ODAD1: variants seen among roughly 807,000 people sequenced by gnomAD.
ODAD1 encodes outer dynein arm-docking complex subunit 1.
Under a neutral mutation model 67.2 loss-of-function variants are expected in ODAD1, and 49 were observed. That is an observed-to-expected ratio of 0.73 (90% confidence interval 0.58 to 0.92). ODAD1 has a LOEUF of 0.92. Among genes scored for constraint, ODAD1 ranks in the 40% least tolerant of loss-of-function variants. The pLI is 0.00. For missense variants in ODAD1, 897 were observed against 953.7 expected (o/e 0.94, Z 0.78); for synonymous variants, 345 against 393.7 (o/e 0.88, Z 1.46).
In ODAD1 at chr19:48,314,829, T is replaced by C. The variant is rs1288651940; in HGVS notation, c.361-2713A>G. On this transcript the variant is annotated intron_variant, in intron 5 of 15. Transcript: ENST00000674294. The stretch of plus-strand genomic sequence containing the variant: ...AATGGCACGTGACTGTAATCCCAGC[T>C]ACTCGGGTGGCTGAAGCACGAGAAT... 2.6e-5 allele frequency among the ~76,000 whole-genome samples: 4 copies of C among 152,028 alleles called. No individual in the cohort carries two copies. In the East Asian group the frequency reaches 5.9e-4, roughly 22 times the overall value.
intron 5 of ODAD1, among the ~76,000 whole-genome samples, chr19:48,313,246 T>C (rs1401206227): frequency 6.6e-6 from 1 of 151,826 alleles, no homozygotes; most frequent in Non-Finnish European, 1.5e-5. Flanking sequence ...CTGGCCAACA[T>C]GGCGAAACCC....
At chr19:48,299,335 C>T (rs1355563946) in intron 12 of ODAD1, among the ~76,000 whole-genome samples, 2 of 151,580 alleles carry the variant, frequency 1.3e-5, no homozygotes, top group African/African-American at 4.8e-5. Flanking sequence ...TGCTTGAACC[C>T]GGGAGATGGA....
Position 48,302,759 on chromosome 19 carries a change from G to C in ODAD1, c.1175C>G (p.Ser392Trp). 6.2e-7 allele frequency: 1 copy of C among 1,613,670 alleles called. No individual in the cohort carries two copies. The highest frequency in any genetic ancestry group is 8.5e-7 in the Non-Finnish European group (1 of 1,180,018). ...VLQQRMDKVHSEAERLEARFQ... is the reference protein window; with the variant it reads ...VLQQRMDKVHWEAERLEARFQ... The stretch of plus-strand genomic sequence containing the variant: ...GCGGGCCTCAAGGCGCTCAGCCTCC[G>C]AGTGCACCTTGTCCATGCGCTGCTG... The change falls in exon 12 of 16, where the codon TCG becomes TGG. Residue 392 changes from serine to tryptophan, a missense_variant. By Grantham distance (177) the Ser-to-Trp change is radical. Coordinates refer to ENST00000674294, the MANE Select transcript of ODAD1 (RefSeq NM_001364171.2).
chr19:48,313,426 C>CAA (rs568077350), intron 5 of ODAD1, among the ~76,000 whole-genome samples: 86 of 29,922 alleles, frequency 2.9e-3, no homozygotes, highest in Middle Eastern at 0.038. Context: ...GACTCCATCT[C>CAA]AAAAAAAAAA....
intron 8 of ODAD1, 59 bp from the exon 9 acceptor site, chr19:48,304,199 C>A: frequency 2.0e-6 from 3 of 1,518,316 alleles, no homozygotes; most frequent in African/African-American, 1.4e-5. Flanking sequence ...GGCCTGGGGT[C>A]CTGGGGATGG....
intron 12 of ODAD1, among the ~76,000 whole-genome samples, chr19:48,301,533 T>C (rs80252053): frequency 2.0e-5 from 3 of 152,224 alleles, no homozygotes; most frequent in Non-Finnish European, 4.4e-5. Flanking sequence ...AATAACATTT[T>C]TGGTAACTAA....
At position 48,311,602 on chromosome 19, in the gene ODAD1, A is replaced by C. The variant is rs554391472; in HGVS notation, c.548T>G (p.Leu183Arg). The stretch of plus-strand genomic sequence containing the variant: ...CAGATAGCGGTTCCTGTCGATCCGC[A>C]GCAGATCCAGCTCCTCCCGCAGGGC... ...NAALREELDL[L>R]RIDRNRYLNV... Residue 183 changes from leucine (L) to arginine (R), a missense_variant, in exon 7 of 16, where the codon CTG becomes CGG. Physicochemically the swap from Leu to Arg is moderately radical, Grantham distance 102. Coordinates refer to ENST00000674294, the MANE Select transcript of ODAD1 (RefSeq NM_001364171.2). The C allele has an allele frequency of 1.4e-4, 218 of 1,551,440 alleles. 2 individuals are homozygous for C. The highest frequency in any genetic ancestry group is 6.8e-4 in the South Asian group (57 of 84,054).
Position 48,318,721 on chromosome 19 carries a change from G to C in ODAD1, c.162C>G (p.Asn54Lys). ...AYSKEVHQRI[N>K]KQLEEIRRLE... The stretch of plus-strand genomic sequence containing the variant: ...CCAGGCGCCCAGCTCACAGTTGCTT[G>C]TTGATGCGCTGGTGGACTTCCTTGC... Residue 54 changes from asparagine to lysine, a missense_variant, in exon 4 of 16, where the codon AAC (asparagine) becomes AAG (lysine). Physicochemically the swap from Asn to Lys is moderately conservative, Grantham distance 94. Transcript: ENST00000674294. 6.5e-7 allele frequency: 1 copy of C among 1,549,898 alleles called. No homozygotes were observed. The highest frequency in any genetic ancestry group is 1.4e-5 in the African/African-American group (1 of 73,076).
chr19:48,305,056 C>T (rs1311729722), intron 8 of ODAD1, among the ~76,000 whole-genome samples: 3 of 152,166 alleles, frequency 2.0e-5, no homozygotes, highest in Non-Finnish European at 4.4e-5. Context: ...CACAGAGACC[C>T]TAAGGCCGAC....
At position 48,312,401 on chromosome 19, in the gene ODAD1, T is replaced by G. The variant is rs765789427; in HGVS notation, c.361-285A>C. Among the ~76,000 whole-genome samples the G allele has an allele frequency of 6.2e-4, 43 of 69,804 alleles. 1 individual carries two copies. Among genetic ancestry groups the G allele is most frequent in the African/African-American group, 3.2e-3 (38 of 11,972 alleles). 45.8% of individuals were successfully genotyped at this position (69,804 alleles called of 152,430 possible). A position where few individuals can be genotyped will look rare whatever the true frequency, so the allele number is the denominator to read the frequency against. On this transcript the variant is annotated intron_variant, in intron 5 of 15. Transcript: ENST00000674294. ...ATGGAGCTAGCCTGACTCCTTTCCG[T>G]TTTTTTTTTTGTTTTTTTTTTTTTT... is the stretch of plus-strand genomic sequence containing the variant.
At position 48,296,970 on chromosome 19, in the gene ODAD1, C is replaced by G. The variant is rs576840660; in HGVS notation, c.*6G>C. ...AGGGCAGGGTGGGGGCTGCGTGCCCCTCGTGTTAGCCCCGGGAGTCTTTGC... is the reference window on the plus strand; with the variant it reads ...AGGGCAGGGTGGGGGCTGCGTGCCCGTCGTGTTAGCCCCGGGAGTCTTTGC... On this transcript the variant is annotated 3_prime_UTR_variant, in exon 16 of 16. Coordinates refer to ENST00000674294, the MANE Select transcript of ODAD1 (RefSeq NM_001364171.2). 1 of 1,585,978 alleles carries G rather than the reference C, an allele frequency of 6.3e-7. No individual in the cohort carries two copies. Among genetic ancestry groups the G allele is most frequent in the Non-Finnish European group, 8.6e-7 (1 of 1,167,846 alleles).
At chr19:48,312,219 C>T in intron 5 of ODAD1, 103 bp from the exon 6 acceptor site, 1 of 814,764 alleles carries the variant, frequency 1.2e-6, no homozygotes, top group Non-Finnish European at 2.0e-6. Flanking sequence ...ATCTGCTGTC[C>T]CTGTCACCCC....
rs111461350 is a variant in ODAD1, at chr19:48,305,925, G to A, written c.665+331C>T. ...AATACAAAAATTAGCCAGCCACGGT[G>A]CCGGGCACCTGTAATCCCAGCTACT... is the stretch of plus-strand genomic sequence containing the variant. On this transcript the variant is annotated intron_variant, in intron 8 of 15. Coordinates refer to ENST00000674294, the MANE Select transcript of ODAD1 (RefSeq NM_001364171.2). 6.6e-3 allele frequency among the ~76,000 whole-genome samples: 1,005 copies of A among 152,064 alleles called. 10 individuals are homozygous for A. Among genetic ancestry groups the A allele is most frequent in the African/African-American group, 0.023 (947 of 41,472 alleles).
rs1313632804 is a variant in ODAD1, at chr19:48,296,816, G to A, written c.*160C>T. 1.3e-5 allele frequency: 19 copies of A among 1,428,338 alleles called. No individual in the cohort carries two copies. Among genetic ancestry groups the A allele is most frequent in the Middle Eastern group, 2.6e-4 (1 of 3,862 alleles). 88.5% of individuals were successfully genotyped at this position (1,428,338 alleles called of 1,614,324 possible). A position where few individuals can be genotyped will look rare whatever the true frequency, so the allele number is the denominator to read the frequency against. ...AGGAACCGGGAGACACAGGTGAGGC[G>A]GTGATGAAGGGCAGATGAAAACAGT... is the stretch of plus-strand genomic sequence containing the variant. On this transcript the variant is annotated 3_prime_UTR_variant, in exon 16 of 16. Coordinates refer to ENST00000674294, the MANE Select transcript of ODAD1 (RefSeq NM_001364171.2).
chr19:48,301,716 A>T (rs532339204), intron 12 of ODAD1, among the ~76,000 whole-genome samples: 1 of 151,738 alleles, frequency 6.6e-6, no homozygotes, highest in South Asian at 2.1e-4. Flanking sequence ...CATGGGACAG[A>T]TGGAGGGATA....
chr19:48,303,770 C>G lies in ODAD1; in HGVS notation c.868G>C (p.Glu290Gln), dbSNP rs781018556. Residue 290 changes from glutamate (E) to glutamine (Q), a missense_variant, in exon 10 of 16, where the codon GAG (glutamate) becomes CAG (glutamine). By Grantham distance (29) the Glu-to-Gln change is conservative (BLOSUM62 2). Coordinates refer to ENST00000674294, the MANE Select transcript of ODAD1 (RefSeq NM_001364171.2). ...TCCTGGGAGGTCTTCCAGACGCCCT[C>G]GGCCACCTCCCCGGCTAGGGGAAGA... is the stretch of plus-strand genomic sequence containing the variant. ...KREKQAGEVA[E>Q]GVWKTSQERL... The G allele has an allele frequency of 1.9e-6, 3 of 1,610,470 alleles. No homozygotes were observed. Among genetic ancestry groups the G allele is most frequent in the African/African-American group, 1.3e-5 (1 of 74,920 alleles).
intron 8 of ODAD1, among the ~76,000 whole-genome samples, chr19:48,305,319 G>A (rs1027467490): frequency 6.6e-6 from 1 of 151,926 alleles, no homozygotes; most frequent in Non-Finnish European, 1.5e-5. Flanking sequence ...GAGGATCTCT[G>A]TCCCTTGCAA....
intron 5 of ODAD1, among the ~76,000 whole-genome samples, chr19:48,316,006 G>A (rs1343567506): frequency 6.6e-6 from 1 of 152,178 alleles, no homozygotes; most frequent in Non-Finnish European, 1.5e-5. Context: ...ATGGACATGT[G>A]CTTTCTTTCC....
At chr19:48,302,963 C>A in intron 11 of ODAD1, 50 bp downstream of exon 11, 3 of 777,454 alleles carry the variant, frequency 3.9e-6, no homozygotes, top group Non-Finnish European at 6.3e-6. Flanking sequence ...GGGAAGGGGG[C>A]GGGGAGGCCG....
Sources: gnomAD v4.1 joint callset for allele counts (sites outside exome capture counted in the v4.1 genomes callset) on GRCh38, gnomAD v4.1.1 for gene constraint, MANE v1.5 for transcripts, NCBI Gene and HGNC (gene_info 2026-07-23, HGNC 2026-07-21) for gene names.